The following SPAG6 variants were observed in gnomAD, a reference collection of about 807,000 sequenced individuals.
SPAG6 encodes the protein sperm associated antigen 6, also known as sperm-associated antigen 6.
Under a neutral mutation model 58.5 loss-of-function variants are expected in SPAG6, and 49 were observed. That is an observed-to-expected ratio of 0.84 (90% CI 0.67 to 1.06). The LOEUF (loss-of-function observed/expected upper bound fraction) is 1.06. SPAG6 is among the 50% of genes least tolerant of loss of function. The pLI is 0.00. For missense variants in SPAG6, 560 were observed against 611.3 expected, an observed-to-expected ratio of 0.92 and a Z score of 0.89; for synonymous variants, 233 against 225.6, an observed-to-expected ratio of 1.03 and a Z score of -0.29.
In SPAG6 at chr10:22,358,169, A is replaced by C. The variant is rs868577158; in HGVS notation, c.122-6684A>C. 7.7e-4 allele frequency among the ~76,000 whole-genome samples: 117 copies of C among 151,948 alleles called. 1 individual carries two copies. Among genetic ancestry groups the C allele is most frequent in the Middle Eastern group, 3.4e-3 (1 of 294 alleles). On this transcript the variant is annotated intron_variant, in intron 2 of 10. Transcript: ENST00000376624. ...CCTGAGGAATCGCCACACTGACTTC[A>C]ACAATGGTTGAACTAGTTTACAGTC...
In SPAG6 at chr10:22,356,947, C is replaced by T. The variant is rs551678770; in HGVS notation, c.122-7906C>T. ...AGATAAAGTTCAAAATACTTAAAAT[C>T]GTTTATTGGATACTTCAGGACTTTT... is the stretch of plus-strand genomic sequence containing the variant. On this transcript the variant is annotated intron_variant, in intron 2 of 10. Coordinates refer to ENST00000376624, the MANE Select transcript of SPAG6 (RefSeq NM_012443.4). Among the ~76,000 whole-genome samples, 4 of 152,260 alleles carry T rather than the reference C, an allele frequency of 2.6e-5. No homozygotes were observed. In the South Asian group the frequency reaches 8.3e-4, roughly 32 times the overall value.
intron 8 of SPAG6, among the ~76,000 whole-genome samples, chr10:22,397,393 A>G (rs1026508368): frequency 6.6e-6 from 1 of 151,832 alleles, no homozygotes; most frequent in Non-Finnish European, 1.5e-5. Flanking sequence ...GCTTACTGCA[A>G]CCTCCACCTC....
chr10:22,380,856 T>G (rs1406219021), intron 4 of SPAG6, among the ~76,000 whole-genome samples: 1 of 152,148 alleles, frequency 6.6e-6, no homozygotes, highest in African/African-American at 2.4e-5. Context: ...TTTAAAGAGA[T>G]TAAGTTCCAG....
chr10:22,414,244 A>G (rs1379854846), intron 10 of SPAG6, among the ~76,000 whole-genome samples: 1 of 152,114 alleles, frequency 6.6e-6, no homozygotes, highest in Non-Finnish European at 1.5e-5. Context: ...TAATAACCCC[A>G]ATTCTCTGTG....
chr10:22,352,878 GA>G (rs920659856), intron 2 of SPAG6, among the ~76,000 whole-genome samples: 1 of 151,786 alleles, frequency 6.6e-6, no homozygotes. Flanking sequence ...GAAATTTCAG[GA>G]AAAAAAAGTT....
Position 22,365,038 on chromosome 10 carries a change from T to C in SPAG6, c.288+19T>C, listed in dbSNP as rs778335253. Reference sequence around the variant, plus strand: ...ACAGAATGTAAGAATTAAAAAAAACTAGTTATATGTTTTTTTGTTTTAGAT... The same window carrying C: ...ACAGAATGTAAGAATTAAAAAAAACCAGTTATATGTTTTTTTGTTTTAGAT... On this transcript the variant is annotated intron_variant, in intron 3 of 10. Coordinates refer to ENST00000376624, the MANE Select transcript of SPAG6 (RefSeq NM_012443.4). The C allele has an allele frequency of 3.9e-6, 6 of 1,544,276 alleles. No individual in the cohort carries two copies. In the African/African-American group the frequency reaches 5.6e-5, roughly 14 times the overall value.
chr10:22,389,045 G>C (rs911104289), intron 6 of SPAG6, 115 bp from the exon 7 acceptor site: 1 of 754,200 alleles, frequency 1.3e-6, no homozygotes. Flanking sequence ...TTCACTAAAT[G>C]ATAATTCAAT....
intron 4 of SPAG6, among the ~76,000 whole-genome samples, chr10:22,378,289 C>T (rs1354992285): frequency 2.6e-5 from 4 of 151,926 alleles, no homozygotes; most frequent in Admixed American, 2.0e-4. Context: ...GTCTTGAACT[C>T]CTGACCTTAG....
At chr10:22,360,129 C>T (rs1329624441) in intron 2 of SPAG6, among the ~76,000 whole-genome samples, 1 of 152,020 alleles carries the variant, frequency 6.6e-6, no homozygotes, top group African/African-American at 2.4e-5. Flanking sequence ...TGTCTTGAGG[C>T]TATTTTATAA....
chr10:22,375,301 A>G (rs571409976), intron 4 of SPAG6, among the ~76,000 whole-genome samples: 36 of 152,342 alleles, frequency 2.4e-4, no homozygotes, highest in African/African-American at 8.2e-4. Context: ...AAGTGCTCCA[A>G]TTGAGCATTT....
intron 10 of SPAG6, chr10:22,412,310 G>A (rs925276087): frequency 2.2e-5 from 12 of 542,734 alleles, no homozygotes; most frequent in African/African-American, 1.3e-4. Flanking sequence ...ATATACTTAC[G>A]CAAGTTGCAA....
At chr10:22,379,935 C>CA (rs543840651) in intron 4 of SPAG6, among the ~76,000 whole-genome samples, 341 of 152,220 alleles carry the variant, frequency 2.2e-3, no homozygotes, top group Non-Finnish European at 3.9e-3. Flanking sequence ...GCTGAGACTA[C>CA]AGGCACGTGC....
chr10:22,386,228 A>G (rs1323770810), intron 4 of SPAG6, among the ~76,000 whole-genome samples: 2 of 152,146 alleles, frequency 1.3e-5, no homozygotes, highest in Non-Finnish European at 2.9e-5. Context: ...GCAGCTTTCT[A>G]TTTTGTATGA....
At chr10:22,348,508 C>A (rs1028919502) in intron 2 of SPAG6, among the ~76,000 whole-genome samples, 1 of 152,138 alleles carries the variant, frequency 6.6e-6, no homozygotes, top group Non-Finnish European at 1.5e-5. Context: ...TTTGTTTTCT[C>A]ATTTTTCCCT....
intron 2 of SPAG6, among the ~76,000 whole-genome samples, chr10:22,347,650 G>A (rs1332052646): frequency 6.6e-6 from 1 of 152,170 alleles, no homozygotes; most frequent in East Asian, 1.9e-4. Flanking sequence ...AGTAGTGGCA[G>A]GTTAGCTCCT....
At chr10:22,370,237 C>T (rs1279453535) in intron 4 of SPAG6, among the ~76,000 whole-genome samples, 1 of 152,072 alleles carries the variant, frequency 6.6e-6, no homozygotes, top group African/African-American at 2.4e-5. Context: ...ATTTTTTCTT[C>T]ATGTTCCAGA....
At chr10:22,397,061 A>T (rs1834309937) in intron 8 of SPAG6, among the ~76,000 whole-genome samples, 1 of 152,224 alleles carries the variant, frequency 6.6e-6, no homozygotes, top group South Asian at 2.1e-4. Flanking sequence ...TGTACAATTC[A>T]TGGTATGGAG....
At chr10:22,406,718 G>C (rs565278025) in intron 9 of SPAG6, among the ~76,000 whole-genome samples, 1 of 152,264 alleles carries the variant, frequency 6.6e-6, no homozygotes, top group South Asian at 2.1e-4. Context: ...TCGTTGATCT[G>C]TCTGTGTTGA....
intron 9 of SPAG6, among the ~76,000 whole-genome samples, chr10:22,405,881 G>A (rs563200720): frequency 3.3e-5 from 5 of 152,104 alleles, no homozygotes; most frequent in Admixed American, 1.3e-4. Context: ...TGTATGTGTC[G>A]AGGAATTTAT....
Sources: allele counts gnomAD v4.1 joint callset (sites outside exome capture counted in the v4.1 genomes callset), GRCh38; gene constraint gnomAD v4.1.1; transcripts MANE v1.5; gene names NCBI Gene and HGNC (gene_info 2026-07-23, HGNC 2026-07-21).